Variants in NLRP1 observed in about 807,000 individuals in gnomAD.
NLRP1 encodes the protein NLR family pyrin domain containing 1.
A neutral mutation model predicts 136.7 loss-of-function variants in NLRP1; 94 were observed. The observed-to-expected ratio is 0.69, with a 90% confidence interval of 0.58 to 0.82. The LOEUF (loss-of-function observed/expected upper bound fraction) is 0.82. Among genes scored for constraint, NLRP1 ranks in the 40% least tolerant of loss-of-function variants. NLRP1 has a pLI of 0.00. For synonymous variants in NLRP1, 690 were observed against 725.1 expected (o/e 0.95, Z 0.78); for missense variants, 1,575 against 1,802.7 (o/e 0.87, Z 2.29).
At chr17:5,532,739 T>G in intron 11 of NLRP1, 83 bp downstream of exon 11, 1 of 1,251,314 alleles carries the variant, frequency 8.0e-7, no homozygotes, top group Non-Finnish European at 1.1e-6. Flanking sequence ...GGGTAGGGGG[T>G]GGCGCTGACT....
intron 3 of NLRP1, among the ~76,000 whole-genome samples, chr17:5,570,305 T>A (rs1178177197): frequency 6.7e-6 from 1 of 149,288 alleles, no homozygotes; most frequent in Non-Finnish European, 1.5e-5. Context: ...ATACAAAAGA[T>A]CAACAAAACC....
intron 5 of NLRP1, among the ~76,000 whole-genome samples, chr17:5,546,340 C>A (rs1373484418): frequency 6.6e-6 from 1 of 152,174 alleles, no homozygotes; most frequent in Admixed American, 6.5e-5. Context: ...AACCAAAACC[C>A]TCAATGTCCC....
rs1245477560 is a variant in NLRP1, at chr17:5,536,943, G to A, written c.2871-3C>T. ...CACTCAGAGTTGTCTGGTCCAGCCT[G>A]AAAGCACAAAGGGAGCCGGGTCCTC... On this transcript the variant is annotated splice_region_variant and splice_polypyrimidine_tract_variant and intron_variant, in intron 7 of 16. Transcript: ENST00000572272. 1.2e-6 allele frequency: 2 copies of A among 1,610,498 alleles called. No homozygotes were observed. The highest frequency in any genetic ancestry group is 1.7e-6 in the Non-Finnish European group (2 of 1,176,836).
At chr17:5,560,363 G>C (rs866613691) in intron 3 of NLRP1, among the ~76,000 whole-genome samples, 1 of 152,192 alleles carries the variant, frequency 6.6e-6, no homozygotes, top group Non-Finnish European at 1.5e-5. Flanking sequence ...TCCTCACTAA[G>C]CTTATGATGC....
chr17:5,538,909 C>T (rs1019575912), intron 7 of NLRP1, among the ~76,000 whole-genome samples: 11 of 152,136 alleles, frequency 7.2e-5, no homozygotes, highest in Non-Finnish European at 1.3e-4. Context: ...GAGACTGAGT[C>T]TCACTCTGTT....
intron 3 of NLRP1, among the ~76,000 whole-genome samples, chr17:5,581,190 G>A (rs1423891206): frequency 6.6e-6 from 1 of 152,216 alleles, no homozygotes; most frequent in Non-Finnish European, 1.5e-5. Flanking sequence ...TAAGGAACCT[G>A]TGGCATCAGG....
chr17:5,540,572 T>C lies in NLRP1; in HGVS notation c.2700-987A>G, dbSNP rs141607655. On this transcript the variant is annotated intron_variant, in intron 6 of 16. Coordinates refer to ENST00000572272, the MANE Select transcript of NLRP1 (RefSeq NM_033004.4). Reference sequence around the variant, plus strand: ...GAAAACCAGGCTTTGAGGTCAGACCTGGCTTCAAATCCTGGTGCAGCTACT... The same window carrying C: ...GAAAACCAGGCTTTGAGGTCAGACCCGGCTTCAAATCCTGGTGCAGCTACT... Among the ~76,000 whole-genome samples the C allele has an allele frequency of 2.0e-3, 305 of 152,328 alleles. 1 individual carries two copies. Among genetic ancestry groups the C allele is most frequent in the South Asian group, 9.3e-3 (45 of 4,830 alleles).
At chr17:5,521,477 T>G in intron 13 of NLRP1, 47 bp downstream of exon 13, 2 of 1,583,070 alleles carry the variant, frequency 1.3e-6, no homozygotes, top group Non-Finnish European at 1.7e-6. Context: ...CATTTTGTGT[T>G]TACCGTCAAC....
intron 15 of NLRP1, among the ~76,000 whole-genome samples, chr17:5,516,729 C>T (rs1306106990): frequency 6.6e-6 from 1 of 152,188 alleles, no homozygotes; most frequent in Non-Finnish European, 1.5e-5. Flanking sequence ...AAGTAAGTGC[C>T]AGAGTGGGAT....
intron 14 of NLRP1, among the ~76,000 whole-genome samples, chr17:5,519,702 T>A (rs11658017): frequency 6.6e-6 from 1 of 151,900 alleles, no homozygotes; most frequent in Non-Finnish European, 1.5e-5. Flanking sequence ...CCCGCCTTGG[T>A]CTCCCAAAGT....
Position 5,541,725 on chromosome 17 carries a change from C to A in NLRP1, c.2699+132G>T. The A allele has an allele frequency of 1.1e-6, 1 of 879,162 alleles. No individual in the cohort carries two copies. The highest frequency in any genetic ancestry group is 1.8e-6 in the Non-Finnish European group (1 of 568,570). 54.5% of individuals were successfully genotyped at this position (879,162 alleles called of 1,614,324 possible). A position where few individuals can be genotyped will look rare whatever the true frequency, so the allele number is the denominator to read the frequency against. On this transcript the variant is annotated intron_variant, in intron 6 of 16. Transcript: ENST00000572272. This position sits in a 1 kb window ranked among gnomAD's most constrained non-coding sequence, Gnocchi z 4.2. The stretch of plus-strand genomic sequence containing the variant: ...TGAGCTTCCTCCTGAGCCTCTACTG[C>A]CTGGCTGAGATCCTGTAGGCTCCTC...
Position 5,514,322 on chromosome 17 carries a change from G to T in NLRP1, c.*432C>A. 1.3e-6 allele frequency: 1 copy of T among 790,526 alleles called. No individual in the cohort carries two copies. The highest frequency in any genetic ancestry group is 1.6e-6 in the Non-Finnish European group (1 of 640,446). 49.0% of individuals were successfully genotyped at this position (790,526 alleles called of 1,614,324 possible). ...CACTTTACTCTGTTGGCTTGCTCTT[G>T]TAGATCTTCCTGTACAAAGCCAAGA... On this transcript the variant is annotated 3_prime_UTR_variant, in exon 17 of 17. Transcript: ENST00000572272.
intron 4 of NLRP1, among the ~76,000 whole-genome samples, chr17:5,557,646 T>C (rs904822229): frequency 3.9e-5 from 6 of 152,204 alleles, no homozygotes; most frequent in African/African-American, 1.4e-4. Context: ...AAGCAGGACA[T>C]AGACACATAC....
chr17:5,549,707 CT>C (rs1424918808), intron 5 of NLRP1, among the ~76,000 whole-genome samples: 2 of 152,212 alleles, frequency 1.3e-5, no homozygotes, highest in African/African-American at 4.8e-5. Flanking sequence ...CTTAATTACT[CT>C]GGATGGAACC....
rs1911912716 is a variant in NLRP1 at position 5,541,892 on chromosome 17, T to C, written c.2664A>G (p.Arg888=). ...TDAGAKHLCQ[R]LRQPSCKLQR... ...GTAGCTTGCAGCTCGGCTGTCTCAG[T>C]CTCTGGCAAAGGTGTTTGGCTCCAG... The change falls in exon 6 of 17, where the codon AGA becomes AGG. Residue 888 remains arginine, a synonymous_variant. Coordinates refer to ENST00000572272, the MANE Select transcript of NLRP1 (RefSeq NM_033004.4). This position sits in a 1 kb window ranked among gnomAD's most constrained non-coding sequence, Gnocchi z 4.2. 6.2e-7 allele frequency: 1 copy of C among 1,613,490 alleles called. No homozygotes were observed. Among genetic ancestry groups the C allele is most frequent in the Non-Finnish European group, 8.5e-7 (1 of 1,179,942 alleles).
At chr17:5,512,679 C>T (rs1042689957), downstream of NLRP1, 30 of 289,338 alleles carry the variant, frequency 1.0e-4, no homozygotes, top group East Asian at 1.8e-4. Context: ...CAGGGCCTGG[C>T]GCTTGATTTC....
At chr17:5,509,953 C>T (rs939978597), downstream of NLRP1, among the ~76,000 whole-genome samples, 4 of 152,210 alleles carry the variant, frequency 2.6e-5, no homozygotes, top group Non-Finnish European at 4.4e-5. Context: ...TGAGAATGAT[C>T]CCTGCTGCCC....
chr17:5,577,950 A>C (rs1323745641), intron 3 of NLRP1, among the ~76,000 whole-genome samples: 2 of 152,196 alleles, frequency 1.3e-5, no homozygotes, highest in East Asian at 3.8e-4. Flanking sequence ...CTCAGAAATA[A>C]TACCACACAT....
intron 5 of NLRP1, among the ~76,000 whole-genome samples, chr17:5,545,623 C>T (rs777053702): frequency 2.8e-4 from 43 of 152,204 alleles, no homozygotes; most frequent in Admixed American, 2.4e-3. Flanking sequence ...ACCAGGCCCT[C>T]GGTAACGTCT....
Sources: gnomAD v4.1 joint callset for allele counts (sites outside exome capture counted in the v4.1 genomes callset) on GRCh38, gnomAD v4.1.1 for gene constraint, Gnocchi (gnomAD v3.1) non-coding constraint, MANE v1.5 for transcripts, NCBI Gene and HGNC (gene_info 2026-07-23, HGNC 2026-07-21) for gene names.